The following PTCHD4 variants were observed in gnomAD, a reference collection of about 807,000 sequenced individuals.
PTCHD4 encodes patched domain containing 4, also known as patched domain-containing protein 4.
PTCHD4 carries 33 observed loss-of-function variants against 58.1 expected under a neutral mutation model. The observed-to-expected ratio is 0.57, with a 90% CI of 0.43 to 0.76. The LOEUF (loss-of-function observed/expected upper bound fraction) is 0.76. PTCHD4 is among the 30% of genes least tolerant of loss of function. The pLI is 0.00. For missense variants in PTCHD4, 1,058 were observed against 1,027.1 expected (o/e 1.03, Z -0.41); for synonymous variants, 478 against 409.6 (o/e 1.17, Z -2.02).
At chr6:47,962,573 G>T (rs992561477) in intron 4 of PTCHD4, among the ~76,000 whole-genome samples, 3 of 151,898 alleles carry the variant, frequency 2.0e-5, no homozygotes, top group African/African-American at 7.3e-5. Context: ...AGGTTATAAG[G>T]GGCTCTTCCC....
At chr6:47,986,692 G>T (rs1768078305) in intron 4 of PTCHD4, among the ~76,000 whole-genome samples, 1 of 151,982 alleles carries the variant, frequency 6.6e-6, no homozygotes, top group African/African-American at 2.4e-5. Flanking sequence ...CTATCTATTT[G>T]GTCTAATCAA....
At chr6:47,981,276 C>G (rs1459651337) in intron 4 of PTCHD4, among the ~76,000 whole-genome samples, 1 of 152,074 alleles carries the variant, frequency 6.6e-6, no homozygotes, top group African/African-American at 2.4e-5. Flanking sequence ...TCAAGTCTCT[C>G]CTGCATGTTT....
chr6:48,105,511 T>C (rs1325889933), intron 1 of PTCHD4, among the ~76,000 whole-genome samples: 1 of 152,072 alleles, frequency 6.6e-6, no homozygotes, highest in African/African-American at 2.4e-5. Context: ...AGATCTAAAA[T>C]TGACACCCTA....
intron 4 of PTCHD4, among the ~76,000 whole-genome samples, chr6:47,984,887 T>G (rs189021168): frequency 1.5e-3 from 233 of 152,230 alleles, no homozygotes; most frequent in African/African-American, 5.5e-3. Context: ...AGTTTATAAG[T>G]CAAGATTTTA....
At position 47,957,693 on chromosome 6, in the gene PTCHD4, C is replaced by T. The variant is rs1341649301; in HGVS notation, c.898+50941G>A. Among the ~76,000 whole-genome samples, 7 of 151,536 alleles carry T rather than the reference C, an allele frequency of 4.6e-5. No individual in the cohort carries two copies. The East Asian group carries it at 5.8e-4, about 13-fold the overall frequency. On this transcript the variant is annotated intron_variant, in intron 4 of 4. Transcript: ENST00000339488. ...TTGGCTCTCTGTAAGCTCTGCCTCC[C>T]GGGTTCACGCCATTCTTCTGCCTCA...
chr6:47,891,401 G>A (rs766837115), intron 4 of PTCHD4, among the ~76,000 whole-genome samples: 3 of 151,566 alleles, frequency 2.0e-5, no homozygotes, highest in Non-Finnish European at 4.4e-5. Flanking sequence ...TTCTGTGACC[G>A]GCATGAACCG....
At chr6:47,994,921 T>C (rs1017772870) in intron 4 of PTCHD4, among the ~76,000 whole-genome samples, 5 of 152,062 alleles carry the variant, frequency 3.3e-5, no homozygotes, top group Non-Finnish European at 7.4e-5. Flanking sequence ...AAGGGATAAA[T>C]AGACTGAAAT....
intron 4 of PTCHD4, among the ~76,000 whole-genome samples, chr6:47,964,399 G>A (rs1254182672): frequency 6.6e-6 from 1 of 152,048 alleles, no homozygotes; most frequent in Non-Finnish European, 1.5e-5. Context: ...CAAGACTGGA[G>A]AATCACATAT....
chr6:47,909,529 CCTT>C (rs1765000524), intron 4 of PTCHD4, among the ~76,000 whole-genome samples: 1 of 152,068 alleles, frequency 6.6e-6, no homozygotes. Flanking sequence ...CACACTGTAA[CCTT>C]GACCTCCTGG....
intron 3 of PTCHD4, among the ~76,000 whole-genome samples, chr6:48,018,415 A>C (rs1286521495): frequency 6.6e-6 from 1 of 152,232 alleles, no homozygotes; most frequent in Non-Finnish European, 1.5e-5. Context: ...AAAATAAAAG[A>C]AATAAAAAGG....
At chr6:48,007,963 C>T (rs1486505890) in intron 4 of PTCHD4, among the ~76,000 whole-genome samples, 2 of 151,298 alleles carry the variant, frequency 1.3e-5, no homozygotes, top group Admixed American at 6.6e-5. Flanking sequence ...CACACACACA[C>T]GCACCACCTA....
chr6:48,031,696 C>T (rs906624633), intron 3 of PTCHD4, among the ~76,000 whole-genome samples: 1 of 151,990 alleles, frequency 6.6e-6, no homozygotes, highest in African/African-American at 2.4e-5. Context: ...GTATAGTCTC[C>T]ATTGATGAAG....
chr6:47,879,214 C>T lies in PTCHD4; in HGVS notation c.1621G>A (p.Gly541Arg). Residue 541 changes from glycine to arginine, a missense_variant, in exon 5 of 5, where the codon GGA (glycine) becomes AGA (arginine). Gly to Arg is a moderately radical substitution (Grantham distance 125). Coordinates refer to ENST00000339488, the MANE Select transcript of PTCHD4 (RefSeq NM_001384253.1). ...TCCACCCAGGACACTGCAGTGAATC[C>T]ACTACAGAGTCTTCTTAGGTCATCC... ...VQDDLRRLCS[G>R]FTAVSWVEQY... 6.2e-7 allele frequency: 1 copy of T among 1,613,000 alleles called. No individual in the cohort carries two copies. The highest frequency in any genetic ancestry group is 1.1e-5 in the South Asian group (1 of 91,024).
At chr6:48,015,549 T>C (rs1455355869) in intron 3 of PTCHD4, among the ~76,000 whole-genome samples, 1 of 151,966 alleles carries the variant, frequency 6.6e-6, no homozygotes, top group Non-Finnish European at 1.5e-5. Flanking sequence ...TTGCATCAGC[T>C]GTTCCCTCTG....
chr6:48,004,399 A>G (rs1217413268), intron 4 of PTCHD4, among the ~76,000 whole-genome samples: 1 of 152,196 alleles, frequency 6.6e-6, no homozygotes, highest in Non-Finnish European at 1.5e-5. Flanking sequence ...GCAACTATCC[A>G]TAGAATATCA....
rs369189426 is a variant in PTCHD4 at position 47,879,492 on chromosome 6, C to G, written c.1343G>C (p.Arg448Pro). ...YQHHFIQHFL[R>P]EHYNEWITNI... ...GGTAATCCATTCATTATAATGTTCA[C>G]GGAGGAAGTGCTGAATGAAGTGGTG... Residue 448 changes from arginine (R) to proline (P), a missense_variant, in exon 5 of 5, where the codon CGT (arginine) becomes CCT (proline). Coordinates refer to ENST00000339488, the MANE Select transcript of PTCHD4 (RefSeq NM_001384253.1). The G allele has an allele frequency of 1.2e-6, 2 of 1,613,492 alleles. No homozygotes were observed. The highest frequency in any genetic ancestry group is 1.7e-6 in the Non-Finnish European group (2 of 1,179,746).
rs373285367 is a variant in PTCHD4 at position 48,069,196 on chromosome 6, T to TGG, written c.-241_-240dup. ...GAGAAGGGCGGGAGCACGTTGGGGG[T>TGG]GGGGGGGCAGATAAGCTTTTTTCTT... On this transcript the variant is annotated 5_prime_UTR_variant, in exon 2 of 5. An upstream open reading frame in the 5' UTR loses its in-frame stop. Coordinates refer to ENST00000339488, the MANE Select transcript of PTCHD4 (RefSeq NM_001384253.1). Among the ~76,000 whole-genome samples, 783 of 47,250 alleles carry TGG rather than the reference T, an allele frequency of 0.017. 15 individuals are homozygous for TGG. Among genetic ancestry groups the TGG allele is most frequent in the Middle Eastern group, 0.051 (4 of 78 alleles). The allele number at this position is 47,250 out of a possible 152,430, so 31.0% of individuals were successfully genotyped here.
rs2114089428 is a variant in PTCHD4 at position 47,876,127 on chromosome 6, A to C, written c.*2176T>G. Among the ~76,000 whole-genome samples the C allele has an allele frequency of 6.6e-6, 1 of 151,904 alleles. No individual in the cohort carries two copies. The highest frequency in any genetic ancestry group is 1.9e-4 in the East Asian group (1 of 5,136). On this transcript the variant is annotated 3_prime_UTR_variant, in exon 5 of 5. Transcript: ENST00000339488. ...AAAACCCAACCAAAAACCTCCTCTG[A>C]AACTTCTACTTCAGATATGAGATCA... is the stretch of plus-strand genomic sequence containing the variant.
chr6:48,108,043 C>T (rs916319287), intron 1 of PTCHD4, among the ~76,000 whole-genome samples: 4 of 152,060 alleles, frequency 2.6e-5, no homozygotes, highest in African/African-American at 4.8e-5. Flanking sequence ...GTCAGTGTGG[C>T]GATTCCTCAG....
Sources: gnomAD v4.1 joint callset for allele counts (sites outside exome capture counted in the v4.1 genomes callset) on GRCh38, gnomAD v4.1.1 for gene constraint, MANE v1.5 for transcripts, NCBI Gene and HGNC (gene_info 2026-07-23, HGNC 2026-07-21) for gene names.